STXBP5: variants seen among roughly 807,000 people sequenced by gnomAD.
STXBP5 encodes syntaxin-binding protein 5.
STXBP5 carries 50 observed loss-of-function variants against 152.4 expected under a neutral mutation model. That is an observed-to-expected ratio of 0.33 (90% CI 0.26 to 0.42). The LOEUF (loss-of-function observed/expected upper bound fraction) is 0.42. Among genes scored for constraint, STXBP5 ranks in the 10% least tolerant of loss-of-function variants. STXBP5 has a pLI of 1.00. For missense variants in STXBP5, 1,167 were observed against 1,388.6 expected (o/e 0.84, Z 2.54); for synonymous variants, 492 against 494.7 (o/e 0.99, Z 0.07).
chr6:147,324,515 C>A (rs1783122884), intron 16 of STXBP5, among the ~76,000 whole-genome samples: 1 of 151,884 alleles, frequency 6.6e-6, no homozygotes, highest in African/African-American at 2.4e-5. Flanking sequence ...GGTGATCTGC[C>A]CTTCTCGGCT....
chr6:147,205,900 C>T (rs781190267), intron 1 of STXBP5, 71 bp from the exon 2 acceptor site: 48 of 1,169,340 alleles, frequency 4.1e-5, no homozygotes, highest in Non-Finnish European at 5.5e-5. Flanking sequence ...ATTCTAACGC[C>T]TCTATTGACT....
intron 16 of STXBP5, among the ~76,000 whole-genome samples, chr6:147,322,113 G>T (rs544776310): frequency 1.3e-5 from 2 of 151,964 alleles, no homozygotes; most frequent in African/African-American, 2.4e-5. Context: ...AGAATTTGTC[G>T]TGCACATTTA....
intron 18 of STXBP5, among the ~76,000 whole-genome samples, chr6:147,328,021 T>G (rs1483090076): frequency 6.6e-6 from 1 of 152,214 alleles, no homozygotes; most frequent in Admixed American, 6.5e-5. Flanking sequence ...TTAGATAGCT[T>G]TGATTAAATG....
intron 2 of STXBP5, among the ~76,000 whole-genome samples, chr6:147,214,140 A>G (rs942401339): frequency 2.6e-5 from 4 of 152,200 alleles, no homozygotes; most frequent in African/African-American, 9.6e-5. Context: ...TTTCTATACA[A>G]TACAATTATT....
At chr6:147,312,212 C>A (rs1375997978) in intron 11 of STXBP5, among the ~76,000 whole-genome samples, 1 of 152,112 alleles carries the variant, frequency 6.6e-6, no homozygotes, top group Non-Finnish European at 1.5e-5. Flanking sequence ...TCGGGCTTTT[C>A]CTATCCTCTG....
At chr6:147,284,590 C>T (rs1780867372) in intron 8 of STXBP5, among the ~76,000 whole-genome samples, 1 of 152,148 alleles carries the variant, frequency 6.6e-6, no homozygotes, top group Non-Finnish European at 1.5e-5. Flanking sequence ...TGGACTATTT[C>T]ACAAATTCAG....
chr6:147,251,265 C>T (rs902834491), intron 4 of STXBP5, among the ~76,000 whole-genome samples: 69 of 152,334 alleles, frequency 4.5e-4, no homozygotes, highest in Non-Finnish European at 8.8e-4. Flanking sequence ...CCAGATACTA[C>T]GCTTTTCCCA....
At chr6:147,316,768 G>GTTTTT (rs5880706) in intron 16 of STXBP5, among the ~76,000 whole-genome samples, 1 of 151,474 alleles carries the variant, frequency 6.6e-6, no homozygotes, top group Non-Finnish European at 1.5e-5. Context: ...TGAAAATTCT[G>GTTTTT]TTTAAGTCTT....
At chr6:147,293,163 T>A (rs1029681061) in intron 9 of STXBP5, 3 of 152,190 alleles carry the variant, frequency 2.0e-5, no homozygotes, top group Non-Finnish European at 4.4e-5. Context: ...ATGTAGTATA[T>A]CATCGAGATT....
At chr6:147,354,023 C>T (rs921188944) in intron 22 of STXBP5, among the ~76,000 whole-genome samples, 2 of 152,066 alleles carry the variant, frequency 1.3e-5, no homozygotes, top group African/African-American at 4.8e-5. Context: ...AACATGGTAT[C>T]TTTTTAAACT....
In STXBP5 at chr6:147,387,173, T is replaced by G. The variant is rs188683745; in HGVS notation, c.*2418T>G. 48 of 151,804 alleles carry G rather than the reference T, an allele frequency of 3.2e-4. 1 individual carries two copies. Among genetic ancestry groups the G allele is most frequent in the African/African-American group, 1.1e-3 (47 of 41,512 alleles). The allele number at this position is 151,804 out of a possible 1,614,324, so 9.4% of individuals were successfully genotyped here. On this transcript the variant is annotated 3_prime_UTR_variant, in exon 28 of 28. Coordinates refer to ENST00000321680, the MANE Select transcript of STXBP5 (RefSeq NM_001127715.4). ...TAAGCTTCTCAGAGTTATACTTGATTCTGTCTGTAGATAAGAGACAGTCTA... is the reference window on the plus strand; with the variant it reads ...TAAGCTTCTCAGAGTTATACTTGATGCTGTCTGTAGATAAGAGACAGTCTA...
Position 147,310,228 on chromosome 6 carries a change from A to G in STXBP5, c.1062A>G (p.Pro354=), listed in dbSNP as rs1470209551. The change falls in exon 10 of 28, where the codon CCA becomes CCG. Residue 354 remains proline (P), a synonymous_variant. Coordinates refer to ENST00000321680, the MANE Select transcript of STXBP5 (RefSeq NM_001127715.4). ...IVDFLTLCET[P]YPNDFQEPYA... is the part of the protein sequence containing the mutation. ...ATTTTCTAACGCTGTGTGAAACACC[A>G]TACCCAAATGGTAAGCTTTGCAACT... 4.5e-6 allele frequency: 7 copies of G among 1,571,800 alleles called. No homozygotes were observed. The highest frequency in any genetic ancestry group is 6.0e-6 in the Non-Finnish European group (7 of 1,165,776).
intron 7 of STXBP5, among the ~76,000 whole-genome samples, chr6:147,272,769 TTTAA>T (rs1379144408): frequency 6.6e-6 from 1 of 152,198 alleles, no homozygotes; most frequent in Non-Finnish European, 1.5e-5. Flanking sequence ...TCAGTACAGC[TTTAA>T]TTATTTATTT....
At position 147,271,192 on chromosome 6, in the gene STXBP5, A is replaced by G. The variant is rs544508425; in HGVS notation, c.714+4025A>G. On this transcript the variant is annotated intron_variant, in intron 7 of 27. Coordinates refer to ENST00000321680, the MANE Select transcript of STXBP5 (RefSeq NM_001127715.4). ...TTATCATATTGGATAAAAGAGCAAGATCTAACCACATACTGTCTGTAAGAA... is the reference window on the plus strand; with the variant it reads ...TTATCATATTGGATAAAAGAGCAAGGTCTAACCACATACTGTCTGTAAGAA... 2.0e-5 allele frequency among the ~76,000 whole-genome samples: 3 copies of G among 152,284 alleles called. No individual in the cohort carries two copies. The South Asian group carries it at 6.2e-4, about 32-fold the overall frequency.
intron 9 of STXBP5, among the ~76,000 whole-genome samples, chr6:147,300,257 C>T (rs556994249): frequency 4.1e-4 from 63 of 152,128 alleles, no homozygotes; most frequent in Middle Eastern, 3.4e-3. Context: ...CATGTATTTC[C>T]TATCAAAAAC....
intron 18 of STXBP5, among the ~76,000 whole-genome samples, chr6:147,330,899 A>G (rs1334608769): frequency 1.3e-5 from 2 of 152,214 alleles, no homozygotes; most frequent in Non-Finnish European, 2.9e-5. Context: ...GTTTTATTGG[A>G]AAAATACCAT....
At chr6:147,254,148 A>T (rs1379434518) in intron 4 of STXBP5, among the ~76,000 whole-genome samples, 1 of 152,150 alleles carries the variant, frequency 6.6e-6, no homozygotes, top group Non-Finnish European at 1.5e-5. Flanking sequence ...ACACATCTAC[A>T]ATCATCTGAT....
At chr6:147,319,384 C>G (rs1782800167) in intron 16 of STXBP5, among the ~76,000 whole-genome samples, 1 of 152,072 alleles carries the variant, frequency 6.6e-6, no homozygotes, top group African/African-American at 2.4e-5. Context: ...AAAATTACCA[C>G]TGATAGTAAA....
intron 21 of STXBP5, among the ~76,000 whole-genome samples, chr6:147,344,622 A>G (rs926854056): frequency 2.0e-5 from 3 of 152,170 alleles, no homozygotes; most frequent in African/African-American, 7.2e-5. Context: ...CAACCCTGGT[A>G]TCTGTGTATC....
Sources: gnomAD v4.1 joint callset for allele counts (sites outside exome capture counted in the v4.1 genomes callset) on GRCh38, gnomAD v4.1.1 for gene constraint, MANE v1.5 for transcripts, NCBI Gene and HGNC (gene_info 2026-07-23, HGNC 2026-07-21) for gene names.